The following TRAPPC8 variants were observed in gnomAD, a reference collection of about 807,000 sequenced individuals.
The protein encoded by TRAPPC8 is trafficking protein particle complex subunit 8, also known as general sporulation gene 1 homolog.
In TRAPPC8, 54 loss-of-function variants were observed where a neutral mutation model predicts 174.3. The observed-to-expected ratio is 0.31, with a 90% CI of 0.25 to 0.39. The LOEUF is 0.39. Ranked by LOEUF, TRAPPC8 falls within the 10% of genes least tolerant of loss-of-function variation. TRAPPC8 has a pLI of 1.00. For missense variants in TRAPPC8, 1,531 were observed against 1,699.1 expected, an observed-to-expected ratio of 0.90 and a Z score of 1.74; for synonymous variants, 630 against 579.9, an observed-to-expected ratio of 1.09 and a Z score of -1.24.
chr18:31,889,943 T>A (rs1437467937), intron 12 of TRAPPC8, among the ~76,000 whole-genome samples: 3 of 152,174 alleles, frequency 2.0e-5, no homozygotes, highest in African/African-American at 7.2e-5. Flanking sequence ...TTAGAAAAAT[T>A]AAGGATGTTC....
At chr18:31,845,499 T>C (rs1257764742) in intron 26 of TRAPPC8, among the ~76,000 whole-genome samples, 1 of 151,944 alleles carries the variant, frequency 6.6e-6, no homozygotes, top group Non-Finnish European at 1.5e-5. Context: ...TTGTCTTTCT[T>C]CTTAGGAATA....
chr18:31,925,690 C>T (rs927763837), intron 2 of TRAPPC8, among the ~76,000 whole-genome samples: 8 of 152,060 alleles, frequency 5.3e-5, no homozygotes, highest in Admixed American at 2.6e-4. Context: ...TTATAAACCC[C>T]AACGTGAAAT....
At chr18:31,836,490 C>G (rs1215671006) in intron 27 of TRAPPC8, among the ~76,000 whole-genome samples, 1 of 152,048 alleles carries the variant, frequency 6.6e-6, no homozygotes, top group African/African-American at 2.4e-5. Context: ...AAAAGAAGCA[C>G]CAAGGTTATT....
chr18:31,889,317 A>G (rs2035858237), intron 12 of TRAPPC8, among the ~76,000 whole-genome samples: 1 of 152,256 alleles, frequency 6.6e-6, no homozygotes, highest in Non-Finnish European at 1.5e-5. Context: ...TATGCTCTAT[A>G]ATCTGGGAAG....
chr18:31,901,688 C>T (rs1262850123), intron 9 of TRAPPC8, among the ~76,000 whole-genome samples: 1 of 152,162 alleles, frequency 6.6e-6, no homozygotes, highest in Non-Finnish European at 1.5e-5. Flanking sequence ...CCACTGGCTA[C>T]ATGGGGAGCA....
At chr18:31,939,929 A>G (rs2144329513) in intron 1 of TRAPPC8, among the ~76,000 whole-genome samples, 1 of 152,312 alleles carries the variant, frequency 6.6e-6, no homozygotes, top group South Asian at 2.1e-4. Flanking sequence ...AGTCTCCTGA[A>G]GGAAATCAGA....
chr18:31,941,868 A>C (rs539968258), intron 1 of TRAPPC8, among the ~76,000 whole-genome samples: 1 of 152,356 alleles, frequency 6.6e-6, no homozygotes, highest in South Asian at 2.1e-4. Flanking sequence ...TAATAAAAAA[A>C]TCCAAAACTG....
intron 24 of TRAPPC8, among the ~76,000 whole-genome samples, chr18:31,850,871 C>A (rs988155734): frequency 6.6e-6 from 1 of 151,904 alleles, no homozygotes; most frequent in Non-Finnish European, 1.5e-5. Flanking sequence ...ATACAAGAGT[C>A]CTGCTGATGT....
chr18:31,923,825 C>T (rs1292158119), intron 2 of TRAPPC8, among the ~76,000 whole-genome samples: 1 of 151,938 alleles, frequency 6.6e-6, no homozygotes, highest in African/African-American at 2.4e-5. Context: ...CCACTCTGGG[C>T]AACTTAGTGA....
chr18:31,851,833 C>A (rs974949870), intron 24 of TRAPPC8, among the ~76,000 whole-genome samples: 4 of 151,962 alleles, frequency 2.6e-5, no homozygotes, highest in African/African-American at 9.7e-5. Flanking sequence ...TCCATTGTGA[C>A]CACTTTCCCT....
chr18:31,846,742 C>A lies in TRAPPC8; in HGVS notation c.3811G>T (p.Glu1271Ter). 1 of 1,612,506 alleles carries A rather than the reference C, an allele frequency of 6.2e-7. No homozygotes were observed. The highest frequency in any genetic ancestry group is 8.5e-7 in the Non-Finnish European group (1 of 1,178,872). ...TGTTTCTGAGGATATGAAAAGGCTTCTTTTCCTATAGTGCGAAGAATAACA... is the reference window on the plus strand; with the variant it reads ...TGTTTCTGAGGATATGAAAAGGCTTATTTTCCTATAGTGCGAAGAATAACA... ...HHVILRTIGK[E>*]AFSYPQKQEP... The change falls in exon 26 of 29, where the codon GAA (glutamate) becomes TAA (stop). Residue 1271 changes from glutamate (E) to a stop codon, truncating the protein, a stop_gained. Coordinates refer to ENST00000283351, the MANE Select transcript of TRAPPC8 (RefSeq NM_014939.5). LOFTEE classifies it high-confidence loss of function.
intron 2 of TRAPPC8, among the ~76,000 whole-genome samples, chr18:31,927,909 C>T (rs978521335): frequency 1.3e-5 from 2 of 152,174 alleles, no homozygotes; most frequent in African/African-American, 4.8e-5. Flanking sequence ...AATCCCAGCA[C>T]TCTGGGAGGC....
chr18:31,894,613 C>T lies in TRAPPC8; in HGVS notation c.1596+3173G>A, dbSNP rs76569851. 3.0e-4 allele frequency among the ~76,000 whole-genome samples: 45 copies of T among 151,996 alleles called. 1 individual carries two copies. In the East Asian group the frequency reaches 7.9e-3, roughly 27 times the overall value. The stretch of plus-strand genomic sequence containing the variant: ...AGTATGTACAGGAAAAAAAAAATCA[C>T]CTGAGGTAGAGGCCTCAATTAACAT... On this transcript the variant is annotated intron_variant, in intron 11 of 28. Coordinates refer to ENST00000283351, the MANE Select transcript of TRAPPC8 (RefSeq NM_014939.5).
intron 17 of TRAPPC8, 23 bp from the exon 18 acceptor site, chr18:31,866,998 C>G (rs1438679122): frequency 6.2e-6 from 10 of 1,609,646 alleles, no homozygotes; most frequent in Non-Finnish European, 7.6e-6. Context: ...TTAAGTCAGT[C>G]TTATTATGTT....
At position 31,857,758 on chromosome 18, in the gene TRAPPC8, A is replaced by G; in HGVS notation, c.2970T>C (p.Ser990=). The stretch of plus-strand genomic sequence containing the variant: ...CTGATGATATGAGTGCTGTACACAC[A>G]GAGGTAGCATCTGTCACAACAGTCT... ...AYKTVVTDAT[S]VCTALISSAS... The change falls in exon 20 of 29, where the codon TCT becomes TCC. Residue 990 remains serine (S), a synonymous_variant. Coordinates refer to ENST00000283351, the MANE Select transcript of TRAPPC8 (RefSeq NM_014939.5). 11 of 1,614,194 alleles carry G rather than the reference A, an allele frequency of 6.8e-6. No individual in the cohort carries two copies. The highest frequency in any genetic ancestry group is 9.3e-6 in the Non-Finnish European group (11 of 1,180,034).
chr18:31,913,619 C>G, intron 4 of TRAPPC8, 97 bp from the exon 5 acceptor site: 1 of 979,090 alleles, frequency 1.0e-6, no homozygotes, highest in Middle Eastern at 3.4e-4. Flanking sequence ...TTAAAATAAT[C>G]CCCCAAAAAG....
intron 12 of TRAPPC8, among the ~76,000 whole-genome samples, chr18:31,875,181 T>C (rs1200587056): frequency 1.3e-5 from 2 of 152,140 alleles, no homozygotes; most frequent in African/African-American, 4.8e-5. Flanking sequence ...AAGCATGCTA[T>C]GTCTACAAAG....
chr18:31,901,121 T>C (rs1304415398), intron 9 of TRAPPC8, 96 bp from the exon 10 acceptor site: 2 of 1,052,154 alleles, frequency 1.9e-6, no homozygotes, highest in Admixed American at 3.0e-5. Context: ...TGCTGTTTTT[T>C]TTTTAACTGG....
Position 31,942,807 on chromosome 18 carries a change from C to A in TRAPPC8, c.-43G>T. 5 of 1,327,384 alleles carry A rather than the reference C, an allele frequency of 3.8e-6. No homozygotes were observed. Among genetic ancestry groups the A allele is most frequent in the Non-Finnish European group, 4.8e-6 (5 of 1,031,866 alleles). The allele number at this position is 1,327,384 out of a possible 1,614,324, so 82.2% of individuals were successfully genotyped here. On this transcript the variant is annotated 5_prime_UTR_variant, in exon 1 of 29. Coordinates refer to ENST00000283351, the MANE Select transcript of TRAPPC8 (RefSeq NM_014939.5). Reference sequence around the variant, plus strand: ...CGGCGGCGCCCGCCCTCCGGCCCACCCTGCGAGGTTATCCTGCGGCTGCAG... The same window carrying A: ...CGGCGGCGCCCGCCCTCCGGCCCACACTGCGAGGTTATCCTGCGGCTGCAG...
Sources: allele counts gnomAD v4.1 joint callset (sites outside exome capture counted in the v4.1 genomes callset), GRCh38; gene constraint gnomAD v4.1.1; transcripts MANE v1.5; gene names NCBI Gene and HGNC (gene_info 2026-07-23, HGNC 2026-07-21).